Variants in BBX observed in about 807,000 individuals in gnomAD.
The protein encoded by BBX is BBX high mobility group box domain containing, also known as HMG box transcription factor BBX.
In BBX, 30 loss-of-function variants were observed where a neutral mutation model predicts 100.2. That is an observed-to-expected ratio of 0.30 (90% CI 0.22 to 0.41). The LOEUF (loss-of-function observed/expected upper bound fraction) is 0.41. Ranked by LOEUF, BBX falls within the 10% of genes least tolerant of loss-of-function variation. BBX has a pLI of 1.00. For missense variants in BBX, 1,023 were observed against 1,129.8 expected, an observed-to-expected ratio of 0.91 and a Z score of 1.35; for synonymous variants, 376 against 388.1, an observed-to-expected ratio of 0.97 and a Z score of 0.37.
At chr3:107,714,391 T>C (rs1177695985) in intron 4 of BBX, among the ~76,000 whole-genome samples, 1 of 150,834 alleles carries the variant, frequency 6.6e-6, no homozygotes, top group Non-Finnish European at 1.5e-5. Flanking sequence ...GCACACTGCT[T>C]TTAAATTTAT....
chr3:107,633,478 C>T (rs1470534455), intron 2 of BBX, among the ~76,000 whole-genome samples: 1 of 152,168 alleles, frequency 6.6e-6, no homozygotes, highest in Non-Finnish European at 1.5e-5. Flanking sequence ...ACTGCACTAG[C>T]ATATTTGGCG....
rs2071076073 is a variant in BBX at position 107,806,495 on chromosome 3, G to A, written c.*1038G>A. Reference sequence around the variant, plus strand: ...GGACGGGTTGCAATTGCTATGCACAGCCTGATTGGCACTGCAGGTTTTTAG... The same window carrying A: ...GGACGGGTTGCAATTGCTATGCACAACCTGATTGGCACTGCAGGTTTTTAG... On this transcript the variant is annotated 3_prime_UTR_variant, in exon 18 of 18. Transcript: ENST00000325805. The A allele has an allele frequency of 6.6e-5, 10 of 152,198 alleles. No individual in the cohort carries two copies. The highest frequency in any genetic ancestry group is 5.2e-4 in the Admixed American group (8 of 15,274). The allele number at this position is 152,198 out of a possible 1,614,324, so 9.4% of individuals were successfully genotyped here. A position where few individuals can be genotyped will look rare whatever the true frequency, so the allele number is the denominator to read the frequency against.
At chr3:107,659,695 A>C (rs1237015238) in intron 3 of BBX, 2 of 1,270,794 alleles carry the variant, frequency 1.6e-6, no homozygotes, top group South Asian at 1.3e-5. Context: ...ACACCACCAC[A>C]CTGCCTGTAG....
intron 3 of BBX, among the ~76,000 whole-genome samples, chr3:107,663,594 G>T (rs2058576984): frequency 6.6e-6 from 1 of 151,378 alleles, no homozygotes; most frequent in Admixed American, 6.6e-5. Flanking sequence ...ATTAAATTTT[G>T]CCTGTTTTTA....
intron 2 of BBX, among the ~76,000 whole-genome samples, chr3:107,527,425 A>G (rs1377386875): frequency 1.3e-5 from 2 of 152,214 alleles, no homozygotes; most frequent in African/African-American, 2.4e-5. Context: ...TGGATTGCTG[A>G]CATAATGTGT....
chr3:107,528,386 C>T (rs1035530979), intron 2 of BBX, among the ~76,000 whole-genome samples: 1 of 152,120 alleles, frequency 6.6e-6, no homozygotes, highest in Non-Finnish European at 1.5e-5. Context: ...TATATTGTTT[C>T]CTAGTGTTAC....
chr3:107,759,680 A>G (rs1339765539), intron 10 of BBX, among the ~76,000 whole-genome samples: 2 of 152,190 alleles, frequency 1.3e-5, no homozygotes, highest in East Asian at 1.9e-4. Context: ...TTCTGTGCCA[A>G]TAACAGAGGT....
chr3:107,673,351 A>C (rs2059120731), intron 3 of BBX, among the ~76,000 whole-genome samples: 1 of 152,028 alleles, frequency 6.6e-6, no homozygotes, highest in Non-Finnish European at 1.5e-5. Flanking sequence ...GTATGGTAGT[A>C]AGTTTTCCTA....
chr3:107,538,091 A>T (rs552427219), intron 2 of BBX, among the ~76,000 whole-genome samples: 6 of 152,362 alleles, frequency 3.9e-5, no homozygotes, highest in African/African-American at 1.2e-4. Context: ...CTTCATGGTA[A>T]TAAGAACTTC....
At chr3:107,617,171 T>C (rs940206943) in intron 2 of BBX, among the ~76,000 whole-genome samples, 2 of 152,198 alleles carry the variant, frequency 1.3e-5, no homozygotes, top group African/African-American at 4.8e-5. Context: ...GAATTGCTTT[T>C]GGACCTGGGT....
At chr3:107,734,849 A>G (rs1356624200) in intron 7 of BBX, among the ~76,000 whole-genome samples, 5 of 152,118 alleles carry the variant, frequency 3.3e-5, no homozygotes, top group Admixed American at 6.6e-5. Context: ...TGACACATGC[A>G]ACTCAATACT....
chr3:107,713,967 CTTTTTTTTTT>C (rs569427270), intron 4 of BBX, among the ~76,000 whole-genome samples: 1,828 of 82,278 alleles, frequency 0.022, 39 homozygotes, highest in African/African-American at 0.068. Flanking sequence ...TAATTTTTTT[CTTTTTTTTTT>C]TTTTTTTTTT....
intron 2 of BBX, among the ~76,000 whole-genome samples, chr3:107,598,303 C>A (rs903895079): frequency 6.6e-6 from 1 of 152,162 alleles, no homozygotes; most frequent in Non-Finnish European, 1.5e-5. Flanking sequence ...ATCTATGCAT[C>A]TGTTTATAAA....
At chr3:107,783,481 T>C (rs2068103623) in intron 13 of BBX, among the ~76,000 whole-genome samples, 2 of 152,110 alleles carry the variant, frequency 1.3e-5, no homozygotes, top group Admixed American at 6.6e-5. Context: ...TGTATTTCTT[T>C]TCTTCTTTCC....
At chr3:107,554,794 C>T (rs1266688866) in intron 2 of BBX, among the ~76,000 whole-genome samples, 1 of 151,864 alleles carries the variant, frequency 6.6e-6, no homozygotes, top group African/African-American at 2.4e-5. Flanking sequence ...AGTAGCTGGG[C>T]GTGGTGGCTC....
Position 107,755,660 on chromosome 3 carries a change from A to G in BBX, c.888A>G (p.Ala296=). The change falls in exon 10 of 18, where the codon GCA becomes GCG. Residue 296 remains alanine (A), a synonymous_variant. Transcript: ENST00000325805. ...CTGTAAAACGCTGTGGAAAGTCTGC[A>G]CTCTTTCAACTGGCAGAGGCAAGTT... ...AEPVKRCGKS[A]LFQLAEMCLA... is the part of the protein sequence containing the mutation. The G allele has an allele frequency of 6.2e-7, 1 of 1,613,800 alleles. No homozygotes were observed. The highest frequency in any genetic ancestry group is 8.5e-7 in the Non-Finnish European group (1 of 1,179,754).
At chr3:107,667,742 G>T (rs577247950) in intron 3 of BBX, among the ~76,000 whole-genome samples, 3 of 151,870 alleles carry the variant, frequency 2.0e-5, no homozygotes, top group African/African-American at 4.8e-5. Flanking sequence ...CAGCATTGAG[G>T]TTTATGTAAT....
chr3:107,694,636 G>A (rs1216006275), intron 3 of BBX, among the ~76,000 whole-genome samples: 3 of 149,414 alleles, frequency 2.0e-5, no homozygotes, highest in African/African-American at 7.5e-5. Context: ...TGTTCATCAA[G>A]GATATTGGTC....
intron 2 of BBX, among the ~76,000 whole-genome samples, chr3:107,537,557 G>C (rs1177370510): frequency 6.6e-6 from 1 of 152,190 alleles, no homozygotes; most frequent in Admixed American, 6.5e-5. Flanking sequence ...GCTTCCATCA[G>C]GCAGTTTTTA....
Sources: allele counts gnomAD v4.1 joint callset (sites outside exome capture counted in the v4.1 genomes callset), GRCh38; gene constraint gnomAD v4.1.1; transcripts MANE v1.5; gene names NCBI Gene and HGNC (gene_info 2026-07-23, HGNC 2026-07-21).